The following PITPNM3 variants were observed in gnomAD, a reference collection of about 807,000 sequenced individuals.
The protein encoded by PITPNM3 is PITPNM family member 3.
PITPNM3 carries 26 observed loss-of-function variants against 102.0 expected under a neutral mutation model. That is an observed-to-expected ratio of 0.25 (90% confidence interval 0.19 to 0.35). The LOEUF (loss-of-function observed/expected upper bound fraction) is 0.35, where lower values mean the gene tolerates loss of function less well. Ranked by LOEUF, PITPNM3 falls within the 10% of genes least tolerant of loss-of-function variation. The probability of loss-of-function intolerance (pLI) is 1.00; values close to 1 mark genes in which losing one functional copy is unlikely to be tolerated. For missense variants in PITPNM3, 1,083 were observed against 1,346.1 expected, an observed-to-expected ratio of 0.80 and a Z score of 3.06; for synonymous variants, 578 against 558.6, an observed-to-expected ratio of 1.03 and a Z score of -0.49.
In PITPNM3 at chr17:6,471,389, C is replaced by T. The variant is rs539808787; in HGVS notation, c.1430-34G>A. 8.6e-5 allele frequency: 131 copies of T among 1,520,784 alleles called. No homozygotes were observed. The South Asian group carries it at 1.0e-3, about 12-fold the overall frequency. The allele number at this position is 1,520,784 out of a possible 1,614,324, so 94.2% of individuals were successfully genotyped here. A position where few individuals can be genotyped will look rare whatever the true frequency, so the allele number is the denominator to read the frequency against. Reference sequence around the variant, plus strand: ...GGAATTTCAAGGTCAGGCTGAGTCACGTGTCTCCAGCAGAGCTGCCCACTC... The same window carrying T: ...GGAATTTCAAGGTCAGGCTGAGTCATGTGTCTCCAGCAGAGCTGCCCACTC... On this transcript the variant is annotated intron_variant, in intron 11 of 19. Coordinates refer to ENST00000262483, the MANE Select transcript of PITPNM3 (RefSeq NM_031220.4).
intron 16 of PITPNM3, 38 bp from the exon 17 acceptor site, chr17:6,463,919 G>T (rs1904628368): frequency 6.2e-7 from 1 of 1,611,892 alleles, no homozygotes; most frequent in South Asian, 1.1e-5. Flanking sequence ...GTGAGGTCAG[G>T]GTCAGACGTT....
chr17:6,465,070 GAGA>G (rs1315326112), intron 14 of PITPNM3, among the ~76,000 whole-genome samples: 4 of 152,040 alleles, frequency 2.6e-5, no homozygotes, highest in Non-Finnish European at 5.9e-5. Context: ...TTTTGTTTTT[GAGA>G]AGGAGTTTTG....
rs910340395 is a variant in PITPNM3 at position 6,468,475 on chromosome 17, G to A, written c.1774-134C>T. The A allele has an allele frequency of 2.4e-5, 21 of 880,654 alleles. No individual in the cohort carries two copies. Among genetic ancestry groups the A allele is most frequent in the Admixed American group, 3.6e-5 (2 of 55,434 alleles). 54.6% of individuals were successfully genotyped at this position (880,654 alleles called of 1,614,324 possible). A position where few individuals can be genotyped will look rare whatever the true frequency, so the allele number is the denominator to read the frequency against. On this transcript the variant is annotated intron_variant, in intron 13 of 19. Coordinates refer to ENST00000262483, the MANE Select transcript of PITPNM3 (RefSeq NM_031220.4). The surrounding 1 kb of genome is among the most constrained non-coding windows in gnomAD (Gnocchi z 5.2). ...CCCCCCAACCTCACAGCCTGGAACC[G>A]TCAGGAGGCCGCAGACCCCGGGACC...
chr17:6,524,864 A>G (rs927222561), intron 3 of PITPNM3, among the ~76,000 whole-genome samples: 1 of 151,760 alleles, frequency 6.6e-6, no homozygotes, highest in Non-Finnish European at 1.5e-5. Flanking sequence ...CCTGGTCAAA[A>G]CTCTTCTCCA....
Position 6,455,383 on chromosome 17 carries a change from C to T in PITPNM3, c.2880G>A (p.Ala960=), listed in dbSNP as rs372678124. The part of the protein sequence containing the change: ...SDKDHERPLP[A]LSWARGPPKF... ...TGGGGGGCCCACGCGCCCAGCTGAGCGCCGGCAGCGGCCGCTCGTGGTCTT... is the reference window on the plus strand; with the variant it reads ...TGGGGGGCCCACGCGCCCAGCTGAGTGCCGGCAGCGGCCGCTCGTGGTCTT... Residue 960 remains alanine (A), a synonymous_variant, in exon 20 of 20, where the codon GCG becomes GCA. Transcript: ENST00000262483. The T allele has an allele frequency of 6.2e-5, 98 of 1,591,586 alleles. No homozygotes were observed. The highest frequency in any genetic ancestry group is 7.7e-5 in the Non-Finnish European group (90 of 1,170,758).
chr17:6,464,015 T>C, intron 16 of PITPNM3, 134 bp from the exon 17 acceptor site: 1 of 1,533,072 alleles, frequency 6.5e-7, no homozygotes, highest in Non-Finnish European at 8.9e-7. Context: ...CATCTCCTGA[T>C]GCCACGGCTG....
At chr17:6,532,953 T>A (rs1413319514) in intron 2 of PITPNM3, among the ~76,000 whole-genome samples, 3 of 152,100 alleles carry the variant, frequency 2.0e-5, no homozygotes, top group Non-Finnish European at 4.4e-5. Context: ...TGCCTCCACA[T>A]CTTGGTAAGT....
chr17:6,556,435 A>G lies in PITPNM3; in HGVS notation c.-29T>C. 1 of 1,250,812 alleles carries G rather than the reference A, an allele frequency of 8.0e-7. No individual in the cohort carries two copies. The highest frequency in any genetic ancestry group is 1.0e-6 in the Non-Finnish European group (1 of 997,884). 77.5% of individuals were successfully genotyped at this position (1,250,812 alleles called of 1,614,324 possible). ...CCGGGCGGCGGGCTCCGGCGGCGCT[A>G]CGCGCGCTCCTCGCGCTTCCCGGGC... On this transcript the variant is annotated 5_prime_UTR_variant, in exon 1 of 20. Coordinates refer to ENST00000262483, the MANE Select transcript of PITPNM3 (RefSeq NM_031220.4). This position sits in a 1 kb window ranked among gnomAD's most constrained non-coding sequence, Gnocchi z 5.2.
rs1337653618 is a variant in PITPNM3 at position 6,455,628 on chromosome 17, A to G, written c.2635T>C (p.Tyr879His). The change falls in exon 20 of 20, where the codon TAC becomes CAC. Residue 879 changes from tyrosine to histidine, a missense_variant. Tyr to His is a moderately conservative substitution (Grantham distance 83). Coordinates refer to ENST00000262483, the MANE Select transcript of PITPNM3 (RefSeq NM_031220.4). Reference sequence around the variant, plus strand: ...TCCAGCGCGGCCAGGTGTGCGGCGTAGCCCTCGCTCAGGAACTGCGGAGGG... The same window carrying G: ...TCCAGCGCGGCCAGGTGTGCGGCGTGGCCCTCGCTCAGGAACTGCGGAGGG... Reference protein sequence around the residue: ...QTQCQFLSEGYAAHLAALEAS... With the variant: ...QTQCQFLSEGHAAHLAALEAS... 1.3e-6 allele frequency: 2 copies of G among 1,545,950 alleles called. No homozygotes were observed. The highest frequency in any genetic ancestry group is 1.7e-6 in the Non-Finnish European group (2 of 1,156,502).
chr17:6,502,137 T>C (rs1907220671), intron 4 of PITPNM3, among the ~76,000 whole-genome samples: 2 of 152,182 alleles, frequency 1.3e-5, no homozygotes, highest in Admixed American at 1.3e-4. Flanking sequence ...GAAATTGCCA[T>C]TGAATGCTAG....
intron 2 of PITPNM3, among the ~76,000 whole-genome samples, chr17:6,534,692 G>T (rs1387091355): frequency 6.6e-6 from 1 of 152,182 alleles, no homozygotes; most frequent in Non-Finnish European, 1.5e-5. Flanking sequence ...CTGTTCCCAG[G>T]TCCAGTCAGT....
chr17:6,537,256 C>CTTTTTT lies in PITPNM3; in HGVS notation c.118+725_118+730dup, dbSNP rs201959934. Among the ~76,000 whole-genome samples, 14 of 128,274 alleles carry CTTTTTT rather than the reference C, an allele frequency of 1.1e-4. No individual in the cohort carries two copies. Among genetic ancestry groups the CTTTTTT allele is most frequent in the African/African-American group, 3.2e-4 (10 of 31,728 alleles). 84.2% of individuals were successfully genotyped at this position (128,274 alleles called of 152,430 possible). ...TATGAGGCTCATTTATTTTTTCTTT[C>CTTTTTT]TTTTTTTTTTTTTTTTTTCTGAGAC... On this transcript the variant is annotated intron_variant, in intron 2 of 19. Coordinates refer to ENST00000262483, the MANE Select transcript of PITPNM3 (RefSeq NM_031220.4). This position sits in a 1 kb window ranked among gnomAD's most constrained non-coding sequence, Gnocchi z 4.4.
At position 6,455,075 on chromosome 17, in the gene PITPNM3, TG is replaced by T. The variant is rs570854226; in HGVS notation, c.*262del. The stretch of plus-strand genomic sequence containing the variant: ...GCCTGCCCCCAGGATGACACAAACA[TG>T]AACCCTGACTTGGGCTTGCGGTCGC... On this transcript the variant is annotated 3_prime_UTR_variant, in exon 20 of 20. Coordinates refer to ENST00000262483, the MANE Select transcript of PITPNM3 (RefSeq NM_031220.4). 114 of 522,606 alleles carry T rather than the reference TG, an allele frequency of 2.2e-4. No homozygotes were observed. Among genetic ancestry groups the T allele is most frequent in the African/African-American group, 2.0e-3 (101 of 49,572 alleles). 32.4% of individuals were successfully genotyped at this position (522,606 alleles called of 1,614,324 possible). A position where few individuals can be genotyped will look rare whatever the true frequency, so the allele number is the denominator to read the frequency against.
At chr17:6,539,470 T>TA (rs1440639219) in intron 1 of PITPNM3, among the ~76,000 whole-genome samples, 5 of 152,072 alleles carry the variant, frequency 3.3e-5, no homozygotes, top group Admixed American at 6.5e-5. Flanking sequence ...AAATCTATAT[T>TA]AAAAAAACTA....
intron 6 of PITPNM3, chr17:6,480,127 T>C (rs909465755): frequency 2.6e-5 from 4 of 152,234 alleles, no homozygotes; most frequent in African/African-American, 9.6e-5. Flanking sequence ...ACCTCCCTCC[T>C]GAATCAGCCA....
At chr17:6,516,672 C>A (rs889553159) in intron 3 of PITPNM3, among the ~76,000 whole-genome samples, 1 of 151,866 alleles carries the variant, frequency 6.6e-6, no homozygotes, top group Non-Finnish European at 1.5e-5. Flanking sequence ...CAACAAACAC[C>A]TCCACAACAA....
intron 3 of PITPNM3, among the ~76,000 whole-genome samples, chr17:6,511,396 C>G (rs1369955257): frequency 3.9e-5 from 6 of 152,178 alleles, no homozygotes; most frequent in African/African-American, 1.4e-4. Context: ...GTGAATTAAT[C>G]TTTAGTAGCA....
At position 6,461,574 on chromosome 17, in the gene PITPNM3, G is replaced by C. The variant is rs750516327; in HGVS notation, c.2307-18C>G. The C allele has an allele frequency of 5.0e-6, 8 of 1,613,574 alleles. No homozygotes were observed. Among genetic ancestry groups the C allele is most frequent in the Non-Finnish European group, 6.8e-6 (8 of 1,179,622 alleles). Reference sequence around the variant, plus strand: ...GCCAGTGCCTGGTGAGATGGCATTAGAAGGGTCCAGCCCTGCCCAGTGCAG... The same window carrying C: ...GCCAGTGCCTGGTGAGATGGCATTACAAGGGTCCAGCCCTGCCCAGTGCAG... On this transcript the variant is annotated intron_variant, in intron 17 of 19. Transcript: ENST00000262483.
Position 6,461,241 on chromosome 17 carries a change from C to G in PITPNM3, c.2490+132G>C, listed in dbSNP as rs1904433866. ...CTCACAGGGCTGCTAGAGGGCCCAT[C>G]CAGATCCACGGGAATGGGATTTACA... On this transcript the variant is annotated intron_variant, in intron 18 of 19. Transcript: ENST00000262483. 1.1e-5 allele frequency: 12 copies of G among 1,139,894 alleles called. No individual in the cohort carries two copies. The South Asian group carries it at 1.6e-4, about 15-fold the overall frequency. 70.6% of individuals were successfully genotyped at this position (1,139,894 alleles called of 1,614,324 possible).
Sources: gnomAD v4.1 joint callset for allele counts (sites outside exome capture counted in the v4.1 genomes callset) on GRCh38, gnomAD v4.1.1 for gene constraint, Gnocchi (gnomAD v3.1) non-coding constraint, MANE v1.5 for transcripts, NCBI Gene and HGNC (gene_info 2026-07-23, HGNC 2026-07-21) for gene names.